SCRN1: variants seen among roughly 807,000 people sequenced by gnomAD.
SCRN1 encodes the protein secernin 1.
In SCRN1, 19 loss-of-function variants were observed where a neutral mutation model predicts 43.3. The ratio of observed to expected loss-of-function variants is 0.44; its 90% CI spans 0.31 to 0.64. SCRN1 has a LOEUF of 0.64. Among genes scored for constraint, SCRN1 ranks in the 30% least tolerant of loss-of-function variants. The pLI is 0.09. For missense variants in SCRN1, 447 were observed against 524.1 expected (o/e 0.85, Z 1.44); for synonymous variants, 183 against 188.9 (o/e 0.97, Z 0.26).
At chr7:29,945,404 C>T (rs1562808836) in intron 3 of SCRN1, among the ~76,000 whole-genome samples, 1 of 152,150 alleles carries the variant, frequency 6.6e-6, no homozygotes, top group Non-Finnish European at 1.5e-5. Flanking sequence ...CAGGGGCTCC[C>T]GCATTTGCTT....
chr7:29,954,782 G>A (rs925991452), intron 3 of SCRN1, among the ~76,000 whole-genome samples: 7 of 152,158 alleles, frequency 4.6e-5, no homozygotes, highest in Non-Finnish European at 1.0e-4. Context: ...CCAGGTTCCA[G>A]CAATTCTCCT....
chr7:29,945,591 G>T (rs193089872), intron 3 of SCRN1, among the ~76,000 whole-genome samples: 4 of 152,316 alleles, frequency 2.6e-5, no homozygotes, highest in Admixed American at 1.3e-4. Context: ...TTGTGACCAG[G>T]AAAGTGGTCA....
intron 5 of SCRN1, among the ~76,000 whole-genome samples, chr7:29,936,971 G>A (rs1291041767): frequency 6.6e-6 from 1 of 152,140 alleles, no homozygotes; most frequent in Admixed American, 6.5e-5. Flanking sequence ...GTGTGAACCC[G>A]GGAGGCAGAG....
At chr7:29,988,315 C>T (rs1273731109) in intron 1 of SCRN1, among the ~76,000 whole-genome samples, 1 of 152,182 alleles carries the variant, frequency 6.6e-6, no homozygotes, top group African/African-American at 2.4e-5. Flanking sequence ...GAAAATCATA[C>T]AAAACCGTAG....
At chr7:29,979,709 T>C (rs1451890377) in intron 1 of SCRN1, among the ~76,000 whole-genome samples, 16 of 152,214 alleles carry the variant, frequency 1.1e-4, no homozygotes. Flanking sequence ...AGAACTCTTT[T>C]AGGGATTTTG....
At chr7:29,944,843 T>C (rs1039116960) in intron 3 of SCRN1, among the ~76,000 whole-genome samples, 17 of 152,022 alleles carry the variant, frequency 1.1e-4, no homozygotes, top group Non-Finnish European at 2.2e-4. Context: ...CCACCTCAGC[T>C]CTAGCCCTTA....
rs917778139 is a variant in SCRN1, at chr7:29,950,137, C to CA, written c.341+5041dup. 2.0e-5 allele frequency among the ~76,000 whole-genome samples: 3 copies of CA among 152,216 alleles called. No homozygotes were observed. The highest frequency in any genetic ancestry group is 2.0e-4 in the Admixed American group (3 of 15,292). ...GGGCATCCCTGCACTCTCAGGAGCC[C>CA]AGGAAGCCCTTGCCCCTACAGGCTT... On this transcript the variant is annotated intron_variant, in intron 3 of 7. Coordinates refer to ENST00000242059, the MANE Select transcript of SCRN1 (RefSeq NM_014766.5). The surrounding 1 kb of genome is among the most constrained non-coding windows in gnomAD (Gnocchi z 4.5).
At chr7:29,939,042 A>G (rs1446982775) in intron 5 of SCRN1, among the ~76,000 whole-genome samples, 2 of 152,178 alleles carry the variant, frequency 1.3e-5, no homozygotes, top group African/African-American at 2.4e-5. Flanking sequence ...AACATTATTT[A>G]ATATCTTTCA....
intron 6 of SCRN1, among the ~76,000 whole-genome samples, chr7:29,929,075 C>G (rs1184119558): frequency 6.6e-6 from 1 of 152,182 alleles, no homozygotes; most frequent in Non-Finnish European, 1.5e-5. Context: ...GGCGTCCTAC[C>G]CTTGAGGGCC....
At position 29,950,559 on chromosome 7, in the gene SCRN1, C is replaced by T. The variant is rs763659283; in HGVS notation, c.341+4620G>A. Among the ~76,000 whole-genome samples the T allele has an allele frequency of 3.9e-5, 6 of 152,196 alleles. No individual in the cohort carries two copies. Among genetic ancestry groups the T allele is most frequent in the Non-Finnish European group, 5.9e-5 (4 of 68,038 alleles). The stretch of plus-strand genomic sequence containing the variant: ...TGGTCTGCTAGTTCCGGGTGGAGTA[C>T]GCAGCCCAGAGTGAGAACTTATGGT... On this transcript the variant is annotated intron_variant, in intron 3 of 7. Coordinates refer to ENST00000242059, the MANE Select transcript of SCRN1 (RefSeq NM_014766.5). The surrounding 1 kb of genome is among the most constrained non-coding windows in gnomAD (Gnocchi z 4.5).
At chr7:29,936,751 A>G (rs754581517) in intron 5 of SCRN1, 30 bp from the exon 6 acceptor site, 10 of 1,507,748 alleles carry the variant, frequency 6.6e-6, no homozygotes, top group Non-Finnish European at 5.4e-6. Flanking sequence ...AGACAAATGG[A>G]AAGAGTAGAT....
Position 29,940,837 on chromosome 7 carries a change from G to T in SCRN1, c.584C>A (p.Thr195Asn), listed in dbSNP as rs2128089877. Reference protein sequence around the residue: ...RCICSQLSLTTKMDAEHPELR... With the variant: ...RCICSQLSLTNKMDAEHPELR... Reference sequence around the variant, plus strand: ...TTCCGGATGCTCTGCATCCATCTTAGTGGTGAGCGAAAGCTGACTGCAAAT... The same window carrying T: ...TTCCGGATGCTCTGCATCCATCTTATTGGTGAGCGAAAGCTGACTGCAAAT... The change falls in exon 5 of 8, where the codon ACT becomes AAT. Residue 195 changes from threonine to asparagine, a missense_variant. Physicochemically the swap from Thr to Asn is moderately conservative, Grantham distance 65. Transcript: ENST00000242059. 1 of 1,575,614 alleles carries T rather than the reference G, an allele frequency of 6.3e-7. No individual in the cohort carries two copies. The highest frequency in any genetic ancestry group is 1.4e-5 in the African/African-American group (1 of 72,786).
chr7:29,923,875 T>G lies in SCRN1; in HGVS notation c.*82A>C. ...CCACATATTAACTTTCTCATTTTACTCAAACAGGAGAGTGGTTTGTTTTGC... is the reference window on the plus strand; with the variant it reads ...CCACATATTAACTTTCTCATTTTACGCAAACAGGAGAGTGGTTTGTTTTGC... On this transcript the variant is annotated 3_prime_UTR_variant, in exon 8 of 8. Transcript: ENST00000242059. 2.1e-6 allele frequency: 3 copies of G among 1,436,988 alleles called. No homozygotes were observed. In the South Asian group the frequency reaches 4.1e-5, roughly 20 times the overall value. The allele number at this position is 1,436,988 out of a possible 1,614,324, so 89.0% of individuals were successfully genotyped here.
At chr7:29,979,119 C>T (rs1562823493) in intron 1 of SCRN1, among the ~76,000 whole-genome samples, 1 of 152,142 alleles carries the variant, frequency 6.6e-6, no homozygotes, top group Non-Finnish European at 1.5e-5. Flanking sequence ...AATCCCAGCA[C>T]TTTGGGAGGC....
chr7:29,940,630 C>G, intron 5 of SCRN1, 52 bp downstream of exon 5: 1 of 1,497,926 alleles, frequency 6.7e-7, no homozygotes, highest in Non-Finnish European at 9.0e-7. Context: ...TCAGAAACAG[C>G]TGCAAGAGAA....
intron 1 of SCRN1, among the ~76,000 whole-genome samples, chr7:29,974,379 T>C (rs1316950676): frequency 6.6e-6 from 1 of 152,238 alleles, no homozygotes; most frequent in Non-Finnish European, 1.5e-5. Flanking sequence ...AATTCAGAGT[T>C]GCTCAGAGAG....
At chr7:29,947,171 G>T in intron 3 of SCRN1, 1 of 1,548,172 alleles carries the variant, frequency 6.5e-7, no homozygotes, top group Non-Finnish European at 8.7e-7. Context: ...CTTCCAAAGT[G>T]TGTGCTTTGT....
In SCRN1 at chr7:29,965,951, T is replaced by C. The variant is rs564897510; in HGVS notation, c.159+2958A>G. On this transcript the variant is annotated intron_variant, in intron 2 of 7. Transcript: ENST00000242059. This position sits in a 1 kb window ranked among gnomAD's most constrained non-coding sequence, Gnocchi z 4.2. The stretch of plus-strand genomic sequence containing the variant: ...CTTTGTGTGATTTTTGAAGTTAGTA[T>C]GGCTACTTAACAAATTACCCCAAAA... 6.6e-6 allele frequency among the ~76,000 whole-genome samples: 1 copy of C among 152,290 alleles called. No homozygotes were observed. Among genetic ancestry groups the C allele is most frequent in the South Asian group, 2.1e-4 (1 of 4,826 alleles).
intron 3 of SCRN1, among the ~76,000 whole-genome samples, chr7:29,945,341 C>A (rs768321968): frequency 2.0e-5 from 3 of 152,174 alleles, no homozygotes; most frequent in Admixed American, 6.5e-5. Flanking sequence ...TCCGGTCTTT[C>A]CTGTGCTATT....
Sources: allele counts gnomAD v4.1 joint callset (sites outside exome capture counted in the v4.1 genomes callset), GRCh38; gene constraint gnomAD v4.1.1; non-coding constraint Gnocchi (gnomAD v3.1); transcripts MANE v1.5; gene names NCBI Gene and HGNC (gene_info 2026-07-23, HGNC 2026-07-21).